The following DPP6 variants were observed in gnomAD, a reference collection of about 807,000 sequenced individuals.
DPP6 encodes A-type potassium channel modulatory protein DPP6.
DPP6 carries 69 observed loss-of-function variants against 122.6 expected under a neutral mutation model. That is an observed-to-expected ratio of 0.56 (90% CI 0.46 to 0.69). The LOEUF is 0.69. DPP6 is among the 30% of genes least tolerant of loss of function. The pLI is 0.00. For synonymous variants in DPP6, 418 were observed against 433.1 expected (o/e 0.97, Z 0.43); for missense variants, 928 against 1,116.9 (o/e 0.83, Z 2.41).
intron 2 of DPP6, among the ~76,000 whole-genome samples, chr7:154,450,008 C>G (rs1471889754): frequency 2.2e-5 from 3 of 138,246 alleles, no homozygotes. Flanking sequence ...GACTCCATCT[C>G]TAAATAAATA....
chr7:154,305,382 G>A lies in DPP6; in HGVS notation c.244-140832G>A, dbSNP rs1585880710. 5 of 962,476 alleles carry A rather than the reference G, an allele frequency of 5.2e-6. No individual in the cohort carries two copies. The South Asian group carries it at 1.4e-4, about 26-fold the overall frequency. The allele number at this position is 962,476 out of a possible 1,614,324, so 59.6% of individuals were successfully genotyped here. ...CTCCCCAAAATAGCCTTGTGATTTC[G>A]GAAGTATGGACTAAAATCACACTCC... On this transcript the variant is annotated intron_variant, in intron 1 of 25. Transcript: ENST00000377770.
the DPP6 span, among the ~76,000 whole-genome samples, chr7:153,852,609 C>T: frequency 3.3e-5 from 5 of 152,214 alleles, no homozygotes; most frequent in East Asian, 9.7e-4. Context: ...GAGATTTTGG[C>T]AGGGACACAG....
chr7:154,732,149 C>A (rs1055311877), intron 8 of DPP6, among the ~76,000 whole-genome samples: 1 of 152,184 alleles, frequency 6.6e-6, no homozygotes, highest in East Asian at 1.9e-4. Context: ...CACCATTCTC[C>A]TGCCTCAGCC....
intron 1 of DPP6, among the ~76,000 whole-genome samples, chr7:154,163,382 T>A (rs1172162578): frequency 6.6e-6 from 1 of 152,214 alleles, no homozygotes; most frequent in Non-Finnish European, 1.5e-5. Flanking sequence ...GCTCATGGCT[T>A]TTTGTTGTAA....
At chr7:154,572,869 A>G (rs554208902) in intron 5 of DPP6, among the ~76,000 whole-genome samples, 23 of 151,544 alleles carry the variant, frequency 1.5e-4, no homozygotes, top group African/African-American at 5.6e-4. Flanking sequence ...TGGTATAGAC[A>G]GGGTTTCACC....
intron 1 of DPP6, among the ~76,000 whole-genome samples, chr7:154,399,086 C>T (rs1007281070): frequency 1.3e-5 from 2 of 152,094 alleles, no homozygotes; most frequent in South Asian, 4.1e-4. Context: ...AGTGTTGATT[C>T]TTATGGCAGT....
chr7:153,935,723 G>C (rs1366335548), intron 1 of DPP6, among the ~76,000 whole-genome samples: 2 of 152,186 alleles, frequency 1.3e-5, no homozygotes, highest in African/African-American at 2.4e-5. Context: ...TCACAGCCTG[G>C]CTCAGACCCC....
At chr7:154,405,018 C>A (rs933302875) in intron 1 of DPP6, among the ~76,000 whole-genome samples, 1 of 151,750 alleles carries the variant, frequency 6.6e-6, no homozygotes, top group African/African-American at 2.4e-5. Flanking sequence ...AAGCGTCATA[C>A]CTACATAAAT....
At chr7:154,277,215 G>C (rs1341887818) in intron 1 of DPP6, among the ~76,000 whole-genome samples, 2 of 152,112 alleles carry the variant, frequency 1.3e-5, no homozygotes, top group African/African-American at 4.8e-5. Context: ...CATGAGTATT[G>C]ATTTGCAAGT....
At chr7:154,527,008 G>T (rs1827461905) in intron 3 of DPP6, among the ~76,000 whole-genome samples, 1 of 152,168 alleles carries the variant, frequency 6.6e-6, no homozygotes, top group South Asian at 2.1e-4. Flanking sequence ...GCCCAAAAGG[G>T]ATGAAATGAA....
the DPP6 span, among the ~76,000 whole-genome samples, chr7:153,791,608 C>A: frequency 4.0e-5 from 6 of 151,876 alleles, no homozygotes; most frequent in Admixed American, 6.6e-5. Context: ...TTAGTAGAGA[C>A]CCGGTTTCAC....
At chr7:154,466,368 A>C (rs1213849357) in intron 2 of DPP6, among the ~76,000 whole-genome samples, 1 of 152,130 alleles carries the variant, frequency 6.6e-6, no homozygotes, top group Non-Finnish European at 1.5e-5. Flanking sequence ...AAAATAAATA[A>C]ATGCAGAATT....
chr7:153,878,163 T>A, the DPP6 span, among the ~76,000 whole-genome samples: 21 of 152,208 alleles, frequency 1.4e-4, no homozygotes, highest in Admixed American at 1.4e-3. Flanking sequence ...ACTCACATCC[T>A]ACTTGTGTGG....
chr7:153,943,548 C>T (rs1033280749), intron 1 of DPP6, among the ~76,000 whole-genome samples: 2 of 152,168 alleles, frequency 1.3e-5, no homozygotes, highest in Non-Finnish European at 2.9e-5. Context: ...TTTCCTTTGA[C>T]ACGCTCTGGC....
intron 1 of DPP6, among the ~76,000 whole-genome samples, chr7:154,063,674 T>TTGCAGCGGGGGGAGGCA (rs1802444863): frequency 7.2e-6 from 1 of 138,256 alleles, no homozygotes; most frequent in Non-Finnish European, 1.6e-5. Flanking sequence ...AGGACCCCCA[T>TTGCAGCGGGGGGAGGCA]CCCAGCGGGG....
At chr7:154,750,571 C>T (rs1286775916) in intron 8 of DPP6, among the ~76,000 whole-genome samples, 2 of 152,188 alleles carry the variant, frequency 1.3e-5, no homozygotes, top group Admixed American at 1.3e-4. Context: ...GAGGGCGTCC[C>T]GCACCGGGCA....
At chr7:153,859,475 G>C in the DPP6 span, among the ~76,000 whole-genome samples, 665 of 152,290 alleles carry the variant, frequency 4.4e-3, 4 homozygotes, top group Middle Eastern at 6.8e-3. Context: ...AAAAAAACTT[G>C]AGTGAGACAT....
At chr7:154,094,462 A>T (rs1805174650) in intron 1 of DPP6, 1 of 152,348 alleles carries the variant, frequency 6.6e-6, no homozygotes, top group Admixed American at 6.5e-5. Flanking sequence ...TGCTCATGTT[A>T]TCTGGAAATA....
Position 154,053,910 on chromosome 7 carries a change from T to C in DPP6, c.243+847T>C, listed in dbSNP as rs556948624. On this transcript the variant is annotated intron_variant, in intron 1 of 25. Transcript: ENST00000377770. ...GGAGCCGGACCTTAGATGGATGCGT[T>C]TAACCACCTCCTGTGGATCCCTTTC... 5.4e-5 allele frequency among the ~76,000 whole-genome samples: 8 copies of C among 147,972 alleles called. No homozygotes were observed. In the East Asian group the frequency reaches 1.4e-3, roughly 26 times the overall value.
Sources: gnomAD v4.1 joint callset for allele counts (sites outside exome capture counted in the v4.1 genomes callset) on GRCh38, gnomAD v4.1.1 for gene constraint, MANE v1.5 for transcripts, NCBI Gene and HGNC (gene_info 2026-07-23, HGNC 2026-07-21) for gene names.